LRMDA: variants seen among roughly 807,000 people sequenced by gnomAD.
LRMDA encodes leucine-rich melanocyte differentiation-associated protein.
In LRMDA, 18 loss-of-function variants were observed where a neutral mutation model predicts 29.8. The ratio of observed to expected loss-of-function variants is 0.60; its 90% CI spans 0.42 to 0.90. The LOEUF is 0.90. LRMDA is among the 40% of genes least tolerant of loss of function. LRMDA has a pLI of 0.00. For missense variants in LRMDA, 273 were observed against 273.9 expected, an observed-to-expected ratio of 1.00 and a Z score of 0.02; for synonymous variants, 125 against 109.4, an observed-to-expected ratio of 1.14 and a Z score of -0.89.
intron 5 of LRMDA, among the ~76,000 whole-genome samples, chr10:76,128,221 G>A (rs554015110): frequency 1.3e-5 from 2 of 152,342 alleles, no homozygotes; most frequent in East Asian, 1.9e-4. Flanking sequence ...GATGGCAACA[G>A]GAGAAGCAGA....
intron 5 of LRMDA, among the ~76,000 whole-genome samples, chr10:76,208,479 C>T (rs1199721346): frequency 6.6e-6 from 1 of 152,182 alleles, no homozygotes; most frequent in East Asian, 1.9e-4. Flanking sequence ...GAAACATGGA[C>T]CTCAATCCCG....
intron 2 of LRMDA, among the ~76,000 whole-genome samples, chr10:75,539,472 G>T (rs1342748749): frequency 6.6e-6 from 1 of 152,156 alleles, no homozygotes; most frequent in Non-Finnish European, 1.5e-5. Flanking sequence ...GAGAATGACT[G>T]AAGTCATGAA....
intron 5 of LRMDA, among the ~76,000 whole-genome samples, chr10:76,088,009 A>ATAGGTAC (rs1343548370): frequency 6.6e-6 from 1 of 152,166 alleles, no homozygotes; most frequent in Non-Finnish European, 1.5e-5. Context: ...AGTCCCAGCT[A>ATAGGTAC]CTTGGGAGGC....
At chr10:75,635,980 T>A (rs576725519) in intron 2 of LRMDA, among the ~76,000 whole-genome samples, 2 of 152,304 alleles carry the variant, frequency 1.3e-5, no homozygotes, top group South Asian at 4.1e-4. Context: ...ACAGAAACCA[T>A]CTTATTTAAG....
At chr10:76,524,206 C>T (rs1464637868) in intron 6 of LRMDA, among the ~76,000 whole-genome samples, 1 of 151,982 alleles carries the variant, frequency 6.6e-6, no homozygotes, top group African/African-American at 2.4e-5. Flanking sequence ...TGGAAGGGAG[C>T]AAATGTCAGC....
chr10:76,182,386 T>G (rs1320812281), intron 5 of LRMDA, among the ~76,000 whole-genome samples: 1 of 152,032 alleles, frequency 6.6e-6, no homozygotes, highest in African/African-American at 2.4e-5. Context: ...CAGTTCAAGG[T>G]GAGATTTGGG....
chr10:76,423,431 A>G (rs924410546), intron 6 of LRMDA, among the ~76,000 whole-genome samples: 1 of 152,146 alleles, frequency 6.6e-6, no homozygotes, highest in Non-Finnish European at 1.5e-5. Context: ...AAAGCTGCTT[A>G]TTAGTTGTTT....
At position 75,498,333 on chromosome 10, in the gene LRMDA, A is replaced by G. The variant is rs542434528; in HGVS notation, c.131+59839A>G. 1.2e-4 allele frequency among the ~76,000 whole-genome samples: 19 copies of G among 152,272 alleles called. No individual in the cohort carries two copies. The South Asian group carries it at 3.7e-3, about 30-fold the overall frequency. On this transcript the variant is annotated intron_variant, in intron 2 of 6. Coordinates refer to ENST00000611255, the MANE Select transcript of LRMDA (RefSeq NM_001305581.2). The stretch of plus-strand genomic sequence containing the variant: ...AAAATGCTTGAGAGTGTCCGTGTCC[A>G]TATAGATACCCACAGTCACTTGTGA...
intron 5 of LRMDA, among the ~76,000 whole-genome samples, chr10:76,275,556 T>G (rs1451285911): frequency 6.6e-6 from 1 of 152,154 alleles, no homozygotes; most frequent in Non-Finnish European, 1.5e-5. Context: ...TATGTCAAAC[T>G]GTTGCTCTGT....
intron 6 of LRMDA, among the ~76,000 whole-genome samples, chr10:76,467,518 G>T (rs1039003798): frequency 1.3e-5 from 2 of 152,164 alleles, no homozygotes; most frequent in African/African-American, 4.8e-5. Flanking sequence ...GGCAGGTTTT[G>T]TATCAGTATT....
At chr10:76,106,134 T>A (rs571695993) in intron 5 of LRMDA, among the ~76,000 whole-genome samples, 176 of 152,344 alleles carry the variant, frequency 1.2e-3, no homozygotes, top group African/African-American at 3.8e-3. Flanking sequence ...AATAAGCATG[T>A]GCCGAATGAG....
At chr10:75,922,486 T>C (rs1170834577) in intron 2 of LRMDA, among the ~76,000 whole-genome samples, 1 of 152,234 alleles carries the variant, frequency 6.6e-6, no homozygotes, top group Non-Finnish European at 1.5e-5. Flanking sequence ...TTAGCCAGTT[T>C]GGAGGTTGCC....
chr10:76,522,570 A>G (rs750989936), intron 6 of LRMDA, among the ~76,000 whole-genome samples: 2 of 152,244 alleles, frequency 1.3e-5, no homozygotes, highest in African/African-American at 2.4e-5. Flanking sequence ...AAAAACAGAT[A>G]AAGTTGATGG....
chr10:75,698,663 C>CTT lies in LRMDA; in HGVS notation c.131+260181_131+260182dup, dbSNP rs551699732. On this transcript the variant is annotated intron_variant, in intron 2 of 6. Coordinates refer to ENST00000611255, the MANE Select transcript of LRMDA (RefSeq NM_001305581.2). ...GTGGTCCGTAGTGACACCTTCACCTCTTTTTTTTTTTTTGTCTTCAGCATT... is the reference window on the plus strand; with the variant it reads ...GTGGTCCGTAGTGACACCTTCACCTCTTTTTTTTTTTTTTTGTCTTCAGCATT... Among the ~76,000 whole-genome samples the CTT allele has an allele frequency of 1.9e-3, 246 of 130,614 alleles. 1 individual carries two copies. Among genetic ancestry groups the CTT allele is most frequent in the African/African-American group, 6.5e-3 (234 of 36,148 alleles). The allele number at this position is 130,614 out of a possible 152,430, so 85.7% of individuals were successfully genotyped here.
chr10:76,254,169 C>A (rs1852537970), intron 5 of LRMDA, among the ~76,000 whole-genome samples: 1 of 152,062 alleles, frequency 6.6e-6, no homozygotes, highest in Non-Finnish European at 1.5e-5. Flanking sequence ...CAAGCTTCCC[C>A]AACCTTCCTT....
chr10:75,917,474 G>A (rs1388640267), intron 2 of LRMDA, among the ~76,000 whole-genome samples: 1 of 152,186 alleles, frequency 6.6e-6, no homozygotes, highest in Non-Finnish European at 1.5e-5. Context: ...AGTTCAGGAA[G>A]GACCCATCTG....
intron 2 of LRMDA, among the ~76,000 whole-genome samples, chr10:76,013,466 C>T (rs983483675): frequency 6.6e-6 from 1 of 152,022 alleles, no homozygotes; most frequent in Non-Finnish European, 1.5e-5. Context: ...CAAATTAAAA[C>T]AACAACCACC....
intron 5 of LRMDA, among the ~76,000 whole-genome samples, chr10:76,144,438 T>C (rs2132154983): frequency 6.6e-6 from 1 of 152,240 alleles, no homozygotes; most frequent in South Asian, 2.1e-4. Context: ...CTAGGTATTT[T>C]ATTCTCTTTG....
At chr10:75,585,706 TC>T (rs1374170475) in intron 2 of LRMDA, among the ~76,000 whole-genome samples, 2 of 152,226 alleles carry the variant, frequency 1.3e-5, no homozygotes, top group Non-Finnish European at 2.9e-5. Flanking sequence ...ACATCTACCC[TC>T]TTAAATTTTT....
Sources: allele counts gnomAD v4.1 joint callset (sites outside exome capture counted in the v4.1 genomes callset), GRCh38; gene constraint gnomAD v4.1.1; transcripts MANE v1.5; gene names NCBI Gene and HGNC (gene_info 2026-07-23, HGNC 2026-07-21).